MAMDC2: variants seen among roughly 807,000 people sequenced by gnomAD.
The protein encoded by MAMDC2 is MAM domain-containing protein 2.
MAMDC2 carries 57 observed loss-of-function variants against 89.8 expected under a neutral mutation model. The observed-to-expected ratio is 0.63, with a 90% CI of 0.51 to 0.79. The LOEUF is 0.79. MAMDC2 is among the 30% of genes least tolerant of loss of function. The pLI, the probability that MAMDC2 is intolerant of heterozygous loss-of-function variation, is 0.00. For synonymous variants in MAMDC2, 313 were observed against 293.4 expected (o/e 1.07, Z -0.68); for missense variants, 800 against 820.6 (o/e 0.97, Z 0.31).
At chr9:70,056,072 G>A (rs1311339856) in intron 2 of MAMDC2, among the ~76,000 whole-genome samples, 1 of 152,158 alleles carries the variant, frequency 6.6e-6, no homozygotes, top group Non-Finnish European at 1.5e-5. Flanking sequence ...CACTGCCAAG[G>A]AGAGCTGAAG....
chr9:70,054,813 C>A (rs1257103692), intron 2 of MAMDC2, among the ~76,000 whole-genome samples: 2 of 152,006 alleles, frequency 1.3e-5, no homozygotes, highest in Admixed American at 1.3e-4. Context: ...ACTGGAGTGT[C>A]GACTTCAAAT....
intron 11 of MAMDC2, among the ~76,000 whole-genome samples, chr9:70,204,376 G>A (rs1175852113): frequency 6.6e-5 from 10 of 151,810 alleles, no homozygotes; most frequent in Non-Finnish European, 1.2e-4. Flanking sequence ...TCGGGGGTCA[G>A]GGGTCAGGGA....
At chr9:70,190,196 TAC>T (rs765227751) in intron 11 of MAMDC2, among the ~76,000 whole-genome samples, 20 of 152,184 alleles carry the variant, frequency 1.3e-4, no homozygotes, top group Non-Finnish European at 2.5e-4. Flanking sequence ...TTTTGAATAA[TAC>T]AGTTTTACAG....
chr9:70,204,836 C>T (rs2033187119), intron 11 of MAMDC2, among the ~76,000 whole-genome samples: 1 of 152,224 alleles, frequency 6.6e-6, no homozygotes, highest in Non-Finnish European at 1.5e-5. Context: ...TGTCCTTCAC[C>T]CCTTTCTTTG....
chr9:70,188,656 T>C (rs1362313401), intron 11 of MAMDC2: 1 of 151,946 alleles, frequency 6.6e-6, no homozygotes, highest in Non-Finnish European at 1.5e-5. Flanking sequence ...CAAAAACCCA[T>C]TTAATATAGT....
Position 70,108,323 on chromosome 9 carries a change from AACC to A in MAMDC2, c.264_266del (p.Thr89del). The A allele has an allele frequency of 1.2e-6, 2 of 1,614,122 alleles. No individual in the cohort carries two copies. The highest frequency in any genetic ancestry group is 1.7e-6 in the Non-Finnish European group (2 of 1,179,994). The stretch of plus-strand genomic sequence containing the variant: ...GCTGCCTCCGTTTGGTCTACCAGAT[AACC>A]ACATCTTCGGAGTCTCTGTCAGATC... On this transcript the variant is annotated inframe_deletion, in exon 3 of 14. Transcript: ENST00000377182.
At chr9:70,194,640 A>C (rs1007110581) in intron 11 of MAMDC2, 6 of 152,150 alleles carry the variant, frequency 3.9e-5, no homozygotes, top group African/African-American at 1.4e-4. Flanking sequence ...CACATCTGCT[A>C]ATCTCATAGT....
chr9:70,128,064 A>G (rs2030640482), intron 6 of MAMDC2, among the ~76,000 whole-genome samples: 1 of 152,222 alleles, frequency 6.6e-6, no homozygotes, highest in African/African-American at 2.4e-5. Context: ...ATTTTGCTCT[A>G]CTAGTCTGAA....
At chr9:70,067,016 G>T (rs779772397) in intron 2 of MAMDC2, among the ~76,000 whole-genome samples, 17 of 152,182 alleles carry the variant, frequency 1.1e-4, no homozygotes, top group Non-Finnish European at 2.1e-4. Flanking sequence ...GTGCTCCTGG[G>T]ATCAACACCT....
chr9:70,072,984 T>C (rs1306458600), intron 2 of MAMDC2, among the ~76,000 whole-genome samples: 1 of 152,116 alleles, frequency 6.6e-6, no homozygotes, highest in South Asian at 2.1e-4. Context: ...TACAGGCATG[T>C]GCCACCACAC....
At chr9:70,177,452 G>C (rs147546963) in intron 11 of MAMDC2, among the ~76,000 whole-genome samples, 67 of 152,190 alleles carry the variant, frequency 4.4e-4, no homozygotes, top group African/African-American at 1.5e-3. Flanking sequence ...GTTTATTTCT[G>C]GAACTTTCCA....
intron 5 of MAMDC2, 57 bp downstream of exon 5, chr9:70,113,189 C>T: frequency 1.9e-6 from 3 of 1,587,172 alleles, no homozygotes; most frequent in Admixed American, 1.7e-5. Flanking sequence ...GCTGTCTCCT[C>T]CCACTTCCTG....
intron 4 of MAMDC2, among the ~76,000 whole-genome samples, chr9:70,112,479 T>A (rs1371125094): frequency 1.3e-5 from 2 of 152,132 alleles, no homozygotes; most frequent in Admixed American, 6.6e-5. Flanking sequence ...GGGCAACTTG[T>A]TCATCATGAG....
chr9:70,093,592 A>AT (rs1028913947), intron 2 of MAMDC2, among the ~76,000 whole-genome samples: 342 of 144,990 alleles, frequency 2.4e-3, no homozygotes, highest in Admixed American at 4.1e-3. Context: ...TGCCCGGCTA[A>AT]TTTTTTTTTT....
At chr9:70,050,736 A>T (rs1826874839) in intron 2 of MAMDC2, among the ~76,000 whole-genome samples, 1 of 152,138 alleles carries the variant, frequency 6.6e-6, no homozygotes. Context: ...GGACCTAAGG[A>T]GAGTGTGGTT....
intron 2 of MAMDC2, among the ~76,000 whole-genome samples, chr9:70,058,556 A>C (rs1385914238): frequency 6.6e-6 from 1 of 152,012 alleles, no homozygotes; most frequent in African/African-American, 2.4e-5. Flanking sequence ...GTCATTTTTT[A>C]TCCCCATTTT....
chr9:70,104,284 T>G (rs1298248158), intron 2 of MAMDC2, among the ~76,000 whole-genome samples: 1 of 151,944 alleles, frequency 6.6e-6, no homozygotes, highest in Non-Finnish European at 1.5e-5. Flanking sequence ...AAAAAAAAGA[T>G]GGGCAATAAC....
intron 9 of MAMDC2, among the ~76,000 whole-genome samples, chr9:70,146,921 C>G (rs2118431313): frequency 6.6e-6 from 1 of 151,562 alleles, no homozygotes; most frequent in South Asian, 2.1e-4. Context: ...GGCAACAGAG[C>G]AAGACTCCAT....
At chr9:70,099,986 G>GAGAT (rs1481569588) in intron 2 of MAMDC2, among the ~76,000 whole-genome samples, 1 of 59,114 alleles carries the variant, frequency 1.7e-5, no homozygotes, top group Non-Finnish European at 3.0e-5. Context: ...AAGAAAGAGA[G>GAGAT]AGAGAGAGAG....
Sources: gnomAD v4.1 joint callset for allele counts (sites outside exome capture counted in the v4.1 genomes callset) on GRCh38, gnomAD v4.1.1 for gene constraint, MANE v1.5 for transcripts, NCBI Gene and HGNC (gene_info 2026-07-23, HGNC 2026-07-21) for gene names.